ESRRG: variants seen among roughly 807,000 people sequenced by gnomAD.
ESRRG encodes estrogen-related receptor gamma.
A neutral mutation model predicts 44.0 loss-of-function variants in ESRRG; 13 were observed. That is an observed-to-expected ratio of 0.30 (90% CI 0.19 to 0.47). The LOEUF is 0.47. Among genes scored for constraint, ESRRG ranks in the 20% least tolerant of loss-of-function variants. ESRRG has a pLI of 1.00. For missense variants in ESRRG, 395 were observed against 580.6 expected, an observed-to-expected ratio of 0.68 and a Z score of 3.29; for synonymous variants, 215 against 214.6, an observed-to-expected ratio of 1.00 and a Z score of -0.02.
At chr1:216,822,754 T>C (rs147613079) in intron 2 of ESRRG, among the ~76,000 whole-genome samples, 1 of 152,308 alleles carries the variant, frequency 6.6e-6, no homozygotes, top group East Asian at 1.9e-4. Context: ...GAACTTTAAA[T>C]ATCCAACAAG....
intron 1 of ESRRG, among the ~76,000 whole-genome samples, chr1:217,063,675 A>C (rs2225968): frequency 6.6e-6 from 1 of 152,212 alleles, no homozygotes; most frequent in East Asian, 1.9e-4. Flanking sequence ...AAAGAGCACC[A>C]CAGGGTGGGA....
At chr1:216,883,404 A>G (rs973642146) in intron 2 of ESRRG, among the ~76,000 whole-genome samples, 2 of 151,402 alleles carry the variant, frequency 1.3e-5, no homozygotes, top group African/African-American at 4.8e-5. Flanking sequence ...AAAAAAAAAA[A>G]AAAAAAAAAA....
At chr1:216,510,107 A>G (rs2148760956) in intron 6 of ESRRG, among the ~76,000 whole-genome samples, 1 of 152,322 alleles carries the variant, frequency 6.6e-6, no homozygotes, top group South Asian at 2.1e-4. Flanking sequence ...ACTAGACAGG[A>G]CTAGGCTACA....
chr1:216,775,555 T>C (rs867898643), intron 2 of ESRRG, among the ~76,000 whole-genome samples: 52 of 20,800 alleles, frequency 2.5e-3, no homozygotes, highest in Admixed American at 8.9e-3. Flanking sequence ...TCACATCTTT[T>C]TTTTTTTTTT....
At chr1:216,530,139 T>C (rs199545322) in intron 5 of ESRRG, among the ~76,000 whole-genome samples, 1 of 101,436 alleles carries the variant, frequency 9.9e-6, no homozygotes, top group Non-Finnish European at 2.0e-5. Context: ...AAAAAGGGGG[T>C]GGGGGAAAGA....
intron 2 of ESRRG, among the ~76,000 whole-genome samples, chr1:216,763,292 A>C (rs530311526): frequency 5.3e-5 from 8 of 152,214 alleles, no homozygotes; most frequent in Non-Finnish European, 1.0e-4. Flanking sequence ...TCTCTTTAGG[A>C]GGCACCATAA....
At chr1:217,099,667 A>G (rs1354472591) in intron 1 of ESRRG, among the ~76,000 whole-genome samples, 3 of 152,226 alleles carry the variant, frequency 2.0e-5, no homozygotes, top group Non-Finnish European at 4.4e-5. Flanking sequence ...CAGTGAAACC[A>G]TGATTCTGAG....
intron 2 of ESRRG, among the ~76,000 whole-genome samples, chr1:216,800,488 CAG>C (rs1157918670): frequency 6.6e-6 from 1 of 152,098 alleles, no homozygotes. Context: ...AGTTAATAAA[CAG>C]GGATATATAT....
At chr1:216,661,107 T>C (rs2072251952) in intron 2 of ESRRG, among the ~76,000 whole-genome samples, 1 of 152,164 alleles carries the variant, frequency 6.6e-6, no homozygotes, top group Admixed American at 6.6e-5. Flanking sequence ...AAATTCAATG[T>C]TTTTAGTTCT....
chr1:216,934,522 A>T (rs2063829234), intron 2 of ESRRG, among the ~76,000 whole-genome samples: 1 of 152,150 alleles, frequency 6.6e-6, no homozygotes, highest in Admixed American at 6.5e-5. Context: ...GTGGCCTCAC[A>T]ATCACGGTGG....
intron 2 of ESRRG, among the ~76,000 whole-genome samples, chr1:216,655,913 T>G (rs1420292720): frequency 6.6e-6 from 1 of 152,112 alleles, no homozygotes; most frequent in East Asian, 1.9e-4. Context: ...TCCCTGGTGC[T>G]TTTTCTATTC....
chr1:216,687,883 TA>T (rs1559229681), intron 1 of ESRRG, among the ~76,000 whole-genome samples: 1 of 152,154 alleles, frequency 6.6e-6, no homozygotes, highest in South Asian at 2.1e-4. Context: ...TTCTGGCATT[TA>T]AAAAAATTTT....
chr1:216,883,876 T>C, intron 2 of ESRRG, among the ~76,000 whole-genome samples: 1 of 152,198 alleles, frequency 6.6e-6, no homozygotes, highest in East Asian at 1.9e-4. Flanking sequence ...CAAGATAATA[T>C]AACTTGATCT....
chr1:216,696,037 G>A (rs1001040732), intron 1 of ESRRG, among the ~76,000 whole-genome samples: 1 of 152,186 alleles, frequency 6.6e-6, no homozygotes, highest in African/African-American at 2.4e-5. Context: ...ACATCTCACA[G>A]TGTATGGTGA....
At chr1:217,137,180 C>A (rs565989513) in intron 1 of ESRRG, among the ~76,000 whole-genome samples, 1 of 152,292 alleles carries the variant, frequency 6.6e-6, no homozygotes, top group South Asian at 2.1e-4. Flanking sequence ...TCTACTAGTA[C>A]CCCAAAGGGC....
chr1:216,817,838 G>T (rs954167719), intron 2 of ESRRG, among the ~76,000 whole-genome samples: 5 of 151,988 alleles, frequency 3.3e-5, no homozygotes, highest in African/African-American at 1.2e-4. Flanking sequence ...GCAGATTTCT[G>T]AAGCACAAAG....
chr1:217,064,487 G>A (rs1412801689), intron 1 of ESRRG, among the ~76,000 whole-genome samples: 1 of 152,068 alleles, frequency 6.6e-6, no homozygotes, highest in Admixed American at 6.5e-5. Context: ...ACCCAGATGT[G>A]CCCCTACCAA....
Position 216,503,716 on chromosome 1 carries a change from A to G in ESRRG, c.*3223T>C, listed in dbSNP as rs1221111316. ...GAAAAATAGCAGTTTTAAATTTTTT[A>G]TATCTTTTATGTTATCATTTAAATG... On this transcript the variant is annotated 3_prime_UTR_variant, in exon 7 of 7. Coordinates refer to ENST00000408911, the MANE Select transcript of ESRRG (RefSeq NM_001438.4). The G allele has an allele frequency of 2.0e-5, 3 of 152,556 alleles. No individual in the cohort carries two copies. Among genetic ancestry groups the G allele is most frequent in the African/African-American group, 7.2e-5 (3 of 41,446 alleles). 9.5% of individuals were successfully genotyped at this position (152,556 alleles called of 1,614,324 possible).
chr1:216,915,130 C>T (rs2060981813), intron 2 of ESRRG, among the ~76,000 whole-genome samples: 1 of 152,176 alleles, frequency 6.6e-6, no homozygotes. Context: ...GCTGGATTTC[C>T]CTTGGTGTGA....
Sources: gnomAD v4.1 joint callset for allele counts (sites outside exome capture counted in the v4.1 genomes callset) on GRCh38, gnomAD v4.1.1 for gene constraint, MANE v1.5 for transcripts, NCBI Gene and HGNC (gene_info 2026-07-23, HGNC 2026-07-21) for gene names.